Variants in PDGFD observed in about 807,000 individuals in gnomAD.
PDGFD encodes platelet-derived growth factor D.
PDGFD carries 30 observed loss-of-function variants against 44.7 expected under a neutral mutation model. The ratio of observed to expected loss-of-function variants is 0.67; its 90% CI spans 0.50 to 0.91. PDGFD has a LOEUF of 0.91. PDGFD is among the 40% of genes least tolerant of loss of function. The probability of loss-of-function intolerance (pLI) is 0.00; values close to 1 mark genes in which losing one functional copy is unlikely to be tolerated. For missense variants in PDGFD, 445 were observed against 457.8 expected (o/e 0.97, Z 0.25); for synonymous variants, 173 against 168.4 (o/e 1.03, Z -0.21).
intron 1 of PDGFD, among the ~76,000 whole-genome samples, chr11:104,141,809 T>C (rs1289066695): frequency 6.6e-6 from 1 of 152,110 alleles, no homozygotes; most frequent in African/African-American, 2.4e-5. Context: ...GTAACAGGCC[T>C]CCCCTACGCC....
chr11:104,084,406 C>T (rs1038558588), intron 1 of PDGFD, among the ~76,000 whole-genome samples: 3 of 151,886 alleles, frequency 2.0e-5, no homozygotes, highest in Non-Finnish European at 4.4e-5. Context: ...ACAATATTTC[C>T]AGGAAGAAGA....
At chr11:104,103,113 C>T (rs1413188208) in intron 1 of PDGFD, among the ~76,000 whole-genome samples, 2 of 152,096 alleles carry the variant, frequency 1.3e-5, no homozygotes, top group Non-Finnish European at 2.9e-5. Flanking sequence ...CACATGGCCA[C>T]AAACAAGTCA....
At chr11:104,036,922 TGCGAA>T (rs2134394683) in intron 1 of PDGFD, 1 of 1,614,192 alleles carries the variant, frequency 6.2e-7, no homozygotes, top group South Asian at 1.1e-5. Context: ...CAAGGTCCTC[TGCGAA>T]GCGGAGTCCA....
intron 1 of PDGFD, among the ~76,000 whole-genome samples, chr11:104,131,739 C>A (rs139828126): frequency 6.9e-6 from 1 of 145,202 alleles, no homozygotes; most frequent in African/African-American, 2.5e-5. Flanking sequence ...GCTATCTAAT[C>A]TCCTTAGACA....
chr11:103,909,554 G>T lies in PDGFD; in HGVS notation c.*140C>A. On this transcript the variant is annotated 3_prime_UTR_variant, in exon 7 of 7. Transcript: ENST00000393158. ...CTTGCCATGGCATTAACAAAGCAAG[G>T]CTGAGACTCAGCAACCACTTGTGTT... is the stretch of plus-strand genomic sequence containing the variant. The T allele has an allele frequency of 9.3e-7, 1 of 1,072,406 alleles. No homozygotes were observed. Among genetic ancestry groups the T allele is most frequent in the Non-Finnish European group, 1.4e-6 (1 of 724,536 alleles). The allele number at this position is 1,072,406 out of a possible 1,614,324, so 66.4% of individuals were successfully genotyped here. A position where few individuals can be genotyped will look rare whatever the true frequency, so the allele number is the denominator to read the frequency against.
chr11:104,151,342 A>T (rs1471253826), intron 1 of PDGFD, among the ~76,000 whole-genome samples: 1 of 152,188 alleles, frequency 6.6e-6, no homozygotes, highest in Non-Finnish European at 1.5e-5. Context: ...TGGATGCGTA[A>T]ATAGTACAAA....
At chr11:104,105,292 T>G (rs1056709201) in intron 1 of PDGFD, among the ~76,000 whole-genome samples, 6 of 152,164 alleles carry the variant, frequency 3.9e-5, no homozygotes, top group Admixed American at 2.0e-4. Context: ...AATTCCAGTC[T>G]TTATTATAGT....
At chr11:104,137,105 T>G (rs1254687630) in intron 1 of PDGFD, among the ~76,000 whole-genome samples, 1 of 152,342 alleles carries the variant, frequency 6.6e-6, no homozygotes, top group East Asian at 1.9e-4. Context: ...TTGGGTCTAC[T>G]GAACACTAGG....
intron 1 of PDGFD, among the ~76,000 whole-genome samples, chr11:104,023,960 A>T (rs1030339813): frequency 1.3e-5 from 2 of 152,210 alleles, no homozygotes; most frequent in Non-Finnish European, 2.9e-5. Flanking sequence ...AACTTGGAAC[A>T]TACTGACTTG....
intron 5 of PDGFD, among the ~76,000 whole-genome samples, chr11:103,936,384 T>C (rs1858487710): frequency 6.6e-6 from 1 of 152,246 alleles, no homozygotes; most frequent in Admixed American, 6.5e-5. Flanking sequence ...AATAATTTCC[T>C]ACATTTGAAA....
rs901004408 is a variant in PDGFD, at chr11:104,110,336, TA to T, written c.124+53467del. ...AAAATTAAATTAAAGAATTGAGATT[TA>T]AAAAAAAAATTACTTGAACTGTATC... is the stretch of plus-strand genomic sequence containing the variant. On this transcript the variant is annotated intron_variant, in intron 1 of 6. Coordinates refer to ENST00000393158, the MANE Select transcript of PDGFD (RefSeq NM_025208.5). Among the ~76,000 whole-genome samples, 20 of 149,486 alleles carry T rather than the reference TA, an allele frequency of 1.3e-4. No homozygotes were observed. In the South Asian group the frequency reaches 1.9e-3, roughly 14 times the overall value.
chr11:103,935,978 C>G (rs1170605986), intron 5 of PDGFD, among the ~76,000 whole-genome samples: 1 of 152,110 alleles, frequency 6.6e-6, no homozygotes, highest in East Asian at 1.9e-4. Flanking sequence ...ATTGCAACGT[C>G]CTTCTTTCTT....
At chr11:104,081,442 T>C (rs911771487) in intron 1 of PDGFD, among the ~76,000 whole-genome samples, 4 of 152,172 alleles carry the variant, frequency 2.6e-5, no homozygotes, top group South Asian at 2.1e-4. Context: ...TTTCAGTTTG[T>C]TTTTTAATGT....
chr11:103,937,341 A>G (rs1858505168), intron 5 of PDGFD, among the ~76,000 whole-genome samples: 1 of 152,144 alleles, frequency 6.6e-6, no homozygotes, highest in Non-Finnish European at 1.5e-5. Context: ...TGAACACACT[A>G]TCATTCTAGA....
intron 1 of PDGFD, among the ~76,000 whole-genome samples, chr11:104,050,385 CAAGT>C (rs1342974574): frequency 2.0e-5 from 3 of 152,092 alleles, no homozygotes; most frequent in Non-Finnish European, 4.4e-5. Flanking sequence ...ATGAAACAAA[CAAGT>C]AAATCAAGTA....
chr11:104,154,139 A>G (rs937429996), intron 1 of PDGFD, among the ~76,000 whole-genome samples: 3 of 152,204 alleles, frequency 2.0e-5, no homozygotes, highest in African/African-American at 7.2e-5. Context: ...GATAGGGTAC[A>G]ATATGACACT....
chr11:104,043,661 A>G lies in PDGFD; in HGVS notation c.125-43406T>C, dbSNP rs185166771. 4.0e-4 allele frequency among the ~76,000 whole-genome samples: 61 copies of G among 152,330 alleles called. 1 individual carries two copies. In the East Asian group the frequency reaches 0.01, roughly 26 times the overall value. ...CTGCTTACTGTACAAGAAGCATGACACCAGCATCTGCTTCTGGTGAGAGCC... is the reference window on the plus strand; with the variant it reads ...CTGCTTACTGTACAAGAAGCATGACGCCAGCATCTGCTTCTGGTGAGAGCC... On this transcript the variant is annotated intron_variant, in intron 1 of 6. Transcript: ENST00000393158.
At chr11:104,141,722 A>T (rs1312319181) in intron 1 of PDGFD, among the ~76,000 whole-genome samples, 1 of 152,124 alleles carries the variant, frequency 6.6e-6, no homozygotes, top group Non-Finnish European at 1.5e-5. Context: ...AACACACACA[A>T]AAGAGGAGAA....
intron 1 of PDGFD, among the ~76,000 whole-genome samples, chr11:104,026,148 G>A (rs1414988071): frequency 6.6e-6 from 1 of 152,166 alleles, no homozygotes; most frequent in Non-Finnish European, 1.5e-5. Flanking sequence ...GGAGAGGCTA[G>A]TCTCTGCCCA....
Sources: gnomAD v4.1 joint callset for allele counts (sites outside exome capture counted in the v4.1 genomes callset) on GRCh38, gnomAD v4.1.1 for gene constraint, MANE v1.5 for transcripts, NCBI Gene and HGNC (gene_info 2026-07-23, HGNC 2026-07-21) for gene names.